Variants in ZNF536 observed in about 807,000 individuals in gnomAD.
ZNF536 encodes zinc finger protein 536.
In ZNF536, 13 loss-of-function variants were observed where a neutral mutation model predicts 84.5. The observed-to-expected ratio is 0.15, with a 90% CI of 0.10 to 0.24. ZNF536 has a LOEUF of 0.24. Ranked by LOEUF, ZNF536 falls within the 10% of genes least tolerant of loss-of-function variation. The pLI is 1.00. For synonymous variants in ZNF536, 811 were observed against 742.5 expected (o/e 1.09, Z -1.50); for missense variants, 1,536 against 1,747.5 (o/e 0.88, Z 2.16).
intron 1 of ZNF536, among the ~76,000 whole-genome samples, chr19:30,599,869 C>A (rs911102619): frequency 2.6e-5 from 4 of 152,212 alleles, no homozygotes; most frequent in South Asian, 2.1e-4. Flanking sequence ...TTTTGATTTT[C>A]TGAAAAGCTG....
chr19:30,334,475 T>G, intron 2 of ZNF536, among the ~76,000 whole-genome samples: 1 of 152,286 alleles, frequency 6.6e-6, no homozygotes, highest in Admixed American at 6.5e-5. Flanking sequence ...TTGGCTAAGA[T>G]TGGGGCTAGG....
chr19:30,599,510 T>C (rs1232222851), intron 1 of ZNF536, among the ~76,000 whole-genome samples: 5 of 67,104 alleles, frequency 7.5e-5, no homozygotes, highest in African/African-American at 1.1e-4. Flanking sequence ...CTCCTTCCTT[T>C]CTACCTTCCT....
rs527918336 is a variant in ZNF536, at chr19:30,483,462, G to T, written c.2170+37730G>T. Reference sequence around the variant, plus strand: ...TGTCTCCTGCCATGCTGCCTGGCGGGGTGAACAGACCCCACCCCACCCCAC... The same window carrying T: ...TGTCTCCTGCCATGCTGCCTGGCGGTGTGAACAGACCCCACCCCACCCCAC... On this transcript the variant is annotated intron_variant, in intron 2 of 4. Coordinates refer to ENST00000355537, the MANE Select transcript of ZNF536 (RefSeq NM_014717.3). 5.6e-3 allele frequency among the ~76,000 whole-genome samples: 845 copies of T among 151,932 alleles called. 6 individuals carry two copies. The highest frequency in any genetic ancestry group is 0.019 in the African/African-American group (787 of 41,388).
At chr19:30,505,456 G>A (rs997435503) in intron 2 of ZNF536, among the ~76,000 whole-genome samples, 1 of 147,684 alleles carries the variant, frequency 6.8e-6, no homozygotes, top group Non-Finnish European at 1.5e-5. Context: ...TATATAATAA[G>A]ATGTATCATC....
chr19:30,521,748 A>G (rs1273673166), intron 2 of ZNF536, among the ~76,000 whole-genome samples: 1 of 152,258 alleles, frequency 6.6e-6, no homozygotes, highest in Admixed American at 6.5e-5. Flanking sequence ...CAAGCCCTGT[A>G]TCTAGCCAGA....
intron 2 of ZNF536, among the ~76,000 whole-genome samples, chr19:30,344,537 C>T (rs563300423): frequency 1.8e-4 from 27 of 151,692 alleles, no homozygotes; most frequent in Non-Finnish European, 3.1e-4. Flanking sequence ...TTCCCTTCTC[C>T]GAGTCAGCAC....
chr19:30,433,471 C>T (rs768583573), intron 1 of ZNF536, among the ~76,000 whole-genome samples: 1 of 152,196 alleles, frequency 6.6e-6, no homozygotes, highest in South Asian at 2.1e-4. Flanking sequence ...TCTGATAAGA[C>T]TGACAACAGG....
intron 2 of ZNF536, among the ~76,000 whole-genome samples, chr19:30,333,592 G>C (rs1814880442): frequency 6.6e-6 from 1 of 152,170 alleles, no homozygotes; most frequent in Admixed American, 6.5e-5. Context: ...CTGCTGGCCT[G>C]CCTGAGGCCC....
chr19:30,371,521 G>A (rs2048610047), upstream of ZNF536, among the ~76,000 whole-genome samples: 2 of 151,216 alleles, frequency 1.3e-5, no homozygotes, highest in African/African-American at 2.4e-5. Flanking sequence ...CACTAAAATA[G>A]CACACCATAG....
intron 2 of ZNF536, among the ~76,000 whole-genome samples, chr19:30,530,038 C>T (rs189617538): frequency 1.1e-4 from 17 of 152,170 alleles, no homozygotes; most frequent in African/African-American, 2.4e-4. Flanking sequence ...AGGGCCTCCC[C>T]GCCTGCAGCC....
At chr19:30,358,293 A>G (rs900597193) in intron 3 of ZNF536, among the ~76,000 whole-genome samples, 2 of 152,224 alleles carry the variant, frequency 1.3e-5, no homozygotes, top group East Asian at 3.9e-4. Context: ...TAGCAGAGCC[A>G]GAACCAGAAC....
chr19:30,472,858 C>T (rs537900430), intron 2 of ZNF536, among the ~76,000 whole-genome samples: 12 of 152,028 alleles, frequency 7.9e-5, no homozygotes, highest in East Asian at 7.7e-4. Flanking sequence ...GGCCTTGGAC[C>T]GATCTGATTC....
At chr19:30,386,786 GTATT>G (rs2049360513) in intron 1 of ZNF536, among the ~76,000 whole-genome samples, 1 of 152,222 alleles carries the variant, frequency 6.6e-6, no homozygotes. Context: ...TAGGTATTAG[GTATT>G]TATTTGTGGC....
chr19:30,310,707 C>T (rs930348254), intron 2 of ZNF536, among the ~76,000 whole-genome samples: 2 of 152,192 alleles, frequency 1.3e-5, no homozygotes, highest in South Asian at 2.1e-4. Flanking sequence ...TGTAACCGCT[C>T]CTCGGAGCCA....
rs200449391 is a variant in ZNF536 at position 30,298,329 on chromosome 19, G to GT, written c.-120+14189dup. ...CTTGGTTGCAACTGGACCATAGGAG[G>GT]TATGCCCAGGATGTCCCCCTGTGGC... is the stretch of plus-strand genomic sequence containing the variant. On this transcript the variant is annotated intron_variant, in intron 2 of 5. Coordinates refer to the ZNF536 transcript ENST00000585628. 5.1e-3 allele frequency among the ~76,000 whole-genome samples: 783 copies of GT among 152,326 alleles called. 5 individuals are homozygous for GT. Among genetic ancestry groups the GT allele is most frequent in the Middle Eastern group, 6.8e-3 (2 of 294 alleles).
intron 2 of ZNF536, among the ~76,000 whole-genome samples, chr19:30,289,249 G>C (rs560456565): frequency 6.6e-6 from 1 of 152,108 alleles, no homozygotes; most frequent in Non-Finnish European, 1.5e-5. Context: ...ACCATGGCCC[G>C]GTTTTATATT....
chr19:30,530,965 G>A (rs1247819252), intron 2 of ZNF536, among the ~76,000 whole-genome samples: 1 of 152,240 alleles, frequency 6.6e-6, no homozygotes. Context: ...AGTGCCCTGC[G>A]GGTGTCCTGC....
intron 1 of ZNF536, among the ~76,000 whole-genome samples, chr19:30,692,157 G>A (rs140390077): frequency 1.4e-3 from 208 of 152,338 alleles, no homozygotes; most frequent in Middle Eastern, 0.01. Context: ...TAGAATTACT[G>A]TTTGTAAGCA....
chr19:30,378,994 A>T (rs1206815045), intron 1 of ZNF536, among the ~76,000 whole-genome samples: 1 of 152,106 alleles, frequency 6.6e-6, no homozygotes. Flanking sequence ...GAGTGTGGGG[A>T]GGGGGTGATA....
Sources: gnomAD v4.1 joint callset for allele counts (sites outside exome capture counted in the v4.1 genomes callset) on GRCh38, gnomAD v4.1.1 for gene constraint, MANE v1.5 for transcripts, NCBI Gene and HGNC (gene_info 2026-07-23, HGNC 2026-07-21) for gene names.